CHD1L: variants seen among roughly 807,000 people sequenced by gnomAD.
The protein encoded by CHD1L is chromodomain helicase DNA binding protein 1 like.
CHD1L carries 118 observed loss-of-function variants against 115.9 expected under a neutral mutation model. The ratio of observed to expected loss-of-function variants is 1.02; its 90% CI spans 0.88 to 1.19. The LOEUF is 1.19. Ranked by LOEUF, CHD1L falls within the 50% of genes most tolerant of loss-of-function variation. CHD1L has a pLI of 0.00. For missense variants in CHD1L, 1,179 were observed against 1,065.3 expected (o/e 1.11, Z -1.49); for synonymous variants, 411 against 387.1 (o/e 1.06, Z -0.72).
chr1:147,232,196 C>T, the CHD1L span, among the ~76,000 whole-genome samples: 1 of 152,118 alleles, frequency 6.6e-6, no homozygotes, highest in Non-Finnish European at 1.5e-5. Context: ...GAGAAATATA[C>T]TTTTTGCTGA....
intron 17 of CHD1L, 67 bp from the exon 18 acceptor site, chr1:147,286,231 T>G (rs1410687916): frequency 2.0e-6 from 3 of 1,497,686 alleles, no homozygotes; most frequent in Non-Finnish European, 2.7e-6. Context: ...AACAGCAGTA[T>G]AAAATGTGCT....
the CHD1L span, among the ~76,000 whole-genome samples, chr1:147,198,680 C>G: frequency 6.6e-6 from 1 of 151,740 alleles, no homozygotes; most frequent in Non-Finnish European, 1.5e-5. Context: ...GAAACCCCGT[C>G]TGTATTAAAA....
At chr1:147,225,354 G>T in the CHD1L span, 1 of 312,592 alleles carries the variant, frequency 3.2e-6, no homozygotes, top group Non-Finnish European at 5.9e-6. Context: ...GGCGGCTGTT[G>T]TCAAATTACT....
At chr1:147,295,329 C>A in intron 22 of CHD1L, 102 bp from the exon 23 acceptor site, 1 of 771,862 alleles carries the variant, frequency 1.3e-6, no homozygotes, top group South Asian at 1.5e-5. Context: ...TTAAAGCATA[C>A]TACTTCTAGA....
At position 147,259,853 on chromosome 1, in the gene CHD1L, CTTG is replaced by C. The variant is rs782721204; in HGVS notation, c.516_518del (p.Val173del). On this transcript the variant is annotated inframe_deletion, in exon 6 of 23. Transcript: ENST00000369258. ...CTCTCACAGATTCCCTTGGAGTGTTCTTGTTGTGGATGAAGCTCACAGGTTGAA... is the reference window on the plus strand; with the variant it reads ...CTCTCACAGATTCCCTTGGAGTGTTCTTGTGGATGAAGCTCACAGGTTGAA... 33 of 1,613,622 alleles carry C rather than the reference CTTG, an allele frequency of 2.0e-5. No homozygotes were observed. The highest frequency in any genetic ancestry group is 1.6e-4 in the Middle Eastern group (1 of 6,082).
intron 10 of CHD1L, among the ~76,000 whole-genome samples, chr1:147,270,333 A>G (rs1479457758): frequency 3.3e-5 from 5 of 152,140 alleles, no homozygotes; most frequent in South Asian, 4.1e-4. Context: ...TCCTCTCGCT[A>G]TACAAAAATT....
At chr1:147,228,952 G>GTT in the CHD1L span, among the ~76,000 whole-genome samples, 2 of 151,134 alleles carry the variant, frequency 1.3e-5, no homozygotes, top group Non-Finnish European at 3.0e-5. Flanking sequence ...TCTCCCATTC[G>GTT]GTAGGTTGCC....
chr1:147,181,227 G>T, the CHD1L span, among the ~76,000 whole-genome samples: 1 of 152,154 alleles, frequency 6.6e-6, no homozygotes, highest in Non-Finnish European at 1.5e-5. Context: ...TTGGCCCATG[G>T]GTGGGATTTG....
the CHD1L span, chr1:147,214,854 A>G: frequency 2.0e-5 from 3 of 152,238 alleles, no homozygotes; most frequent in South Asian, 6.2e-4. Flanking sequence ...TGCATATTCA[A>G]TGCTTAGTAT....
chr1:147,278,771 G>C (rs1347824054), intron 14 of CHD1L, among the ~76,000 whole-genome samples: 1 of 152,068 alleles, frequency 6.6e-6, no homozygotes, highest in African/African-American at 2.4e-5. Flanking sequence ...ATAACAGCAG[G>C]ATGAGATAGA....
In CHD1L at chr1:147,287,666, AT is replaced by A; in HGVS notation, c.2256del (p.Phe752LeufsTer21). 1.2e-6 allele frequency: 2 copies of A among 1,614,022 alleles called. No homozygotes were observed. The highest frequency in any genetic ancestry group is 1.7e-6 in the Non-Finnish European group (2 of 1,179,982). On this transcript the variant is annotated frameshift_variant, in exon 19 of 23. Coordinates refer to ENST00000369258, the MANE Select transcript of CHD1L (RefSeq NM_004284.6). LOFTEE classifies it high-confidence loss of function. ...CTGGCCACTGGGGCAGAGGTGGTTT[AT>A]TTACAGCTCTGGAAAAGCGATCCGC... is the stretch of plus-strand genomic sequence containing the variant. Reference protein sequence around the residue: ...DSGHWGRGGLFTALEKRSAEP... With the variant: ...DSGHWGRGGLXTALEKRSAEP...
At chr1:147,263,999 G>T (rs1553946082) in intron 6 of CHD1L, among the ~76,000 whole-genome samples, 1 of 152,128 alleles carries the variant, frequency 6.6e-6, no homozygotes, top group African/African-American at 2.4e-5. Flanking sequence ...CAGTGGTGGG[G>T]CCTGATGCTG....
intron 20 of CHD1L, among the ~76,000 whole-genome samples, chr1:147,292,392 C>G (rs1685873111): frequency 6.6e-6 from 1 of 152,156 alleles, no homozygotes; most frequent in South Asian, 2.1e-4. Flanking sequence ...GTTTGATTTA[C>G]CCCACCTACC....
chr1:147,180,625 C>A, the CHD1L span, among the ~76,000 whole-genome samples: 1 of 152,164 alleles, frequency 6.6e-6, no homozygotes, highest in African/African-American at 2.4e-5. Context: ...ATTTAAAATT[C>A]TCAGAGAAAG....
chr1:147,293,181 A>G (rs1166532900), intron 20 of CHD1L, among the ~76,000 whole-genome samples: 1 of 152,082 alleles, frequency 6.6e-6, no homozygotes, highest in South Asian at 2.1e-4. Flanking sequence ...TTTTGTCCTC[A>G]TGGGAATTGT....
the CHD1L span, chr1:147,184,423 C>T: frequency 1.5e-6 from 2 of 1,371,778 alleles, no homozygotes; most frequent in South Asian, 1.9e-5. This position sits in a 1 kb window ranked among gnomAD's most constrained non-coding sequence, Gnocchi z 4.4. Flanking sequence ...TTAATATTCC[C>T]TTAATTTTTA....
chr1:147,266,924 G>T (rs1295564507), intron 8 of CHD1L, among the ~76,000 whole-genome samples: 1 of 152,256 alleles, frequency 6.6e-6, no homozygotes, highest in East Asian at 1.9e-4. Flanking sequence ...ATGTATGTAT[G>T]GGAAAAAACA....
chr1:147,184,425 T>A, the CHD1L span: 1 of 1,382,930 alleles, frequency 7.2e-7, no homozygotes, highest in East Asian at 2.7e-5. The surrounding 1 kb of genome is among the most constrained non-coding windows in gnomAD (Gnocchi z 4.4). Context: ...AATATTCCCT[T>A]AATTTTTACT....
At chr1:147,178,065 C>A in the CHD1L span, 1 of 1,090,512 alleles carries the variant, frequency 9.2e-7, no homozygotes, top group Non-Finnish European at 1.3e-6. Flanking sequence ...CCGCCGCAGT[C>A]CCAGTCGAGC....
Sources: allele counts gnomAD v4.1 joint callset (sites outside exome capture counted in the v4.1 genomes callset), GRCh38; gene constraint gnomAD v4.1.1; non-coding constraint Gnocchi (gnomAD v3.1); transcripts MANE v1.5; gene names NCBI Gene and HGNC (gene_info 2026-07-23, HGNC 2026-07-21).